Variants in MEIOB observed in about 807,000 individuals in gnomAD.
MEIOB encodes meiosis-specific with OB domain-containing protein.
A neutral mutation model predicts 53.1 loss-of-function variants in MEIOB; 50 were observed. That is an observed-to-expected ratio of 0.94 (90% confidence interval 0.75 to 1.19). The LOEUF (loss-of-function observed/expected upper bound fraction) is 1.19. Ranked by LOEUF, MEIOB falls within the 50% of genes most tolerant of loss-of-function variation. The pLI, the probability that MEIOB is intolerant of heterozygous loss-of-function variation, is 0.00. For missense variants in MEIOB, 551 were observed against 550.8 expected (o/e 1.00, Z 0.00); for synonymous variants, 192 against 182.5 (o/e 1.05, Z -0.42).
At chr16:1,850,573 T>A (rs574033193) in intron 9 of MEIOB, among the ~76,000 whole-genome samples, 298 of 127,260 alleles carry the variant, frequency 2.3e-3, no homozygotes, top group Admixed American at 4.3e-3. Context: ...AGACTCCATT[T>A]AAAAAAAAAA....
intron 5 of MEIOB, among the ~76,000 whole-genome samples, chr16:1,859,057 A>G (rs528549982): frequency 1.3e-5 from 2 of 152,326 alleles, no homozygotes; most frequent in South Asian, 2.1e-4. Context: ...GAATCAAACA[A>G]TCTCAGACGG....
At chr16:1,866,124 C>T (rs1899587943) in intron 2 of MEIOB, among the ~76,000 whole-genome samples, 1 of 152,170 alleles carries the variant, frequency 6.6e-6, no homozygotes, top group African/African-American at 2.4e-5. Flanking sequence ...AATAACTGCC[C>T]TATGCTATCA....
rs149484253 is a variant in MEIOB at position 1,852,735 on chromosome 16, T to C, written c.778+304A>G. On this transcript the variant is annotated intron_variant, in intron 9 of 13. Transcript: ENST00000325962. ...CAAGCCCAGCTAATTTTTATATTTT[T>C]AGTAGAGACTGGGTTTCACCATGTT... Among the ~76,000 whole-genome samples, 773 of 152,174 alleles carry C rather than the reference T, an allele frequency of 5.1e-3. 9 individuals are homozygous for C. The highest frequency in any genetic ancestry group is 0.018 in the African/African-American group (761 of 41,502).
chr16:1,854,675 C>T (rs1596976577), intron 6 of MEIOB, among the ~76,000 whole-genome samples: 1 of 152,088 alleles, frequency 6.6e-6, no homozygotes, highest in African/African-American at 2.4e-5. Context: ...CCACAGGAAA[C>T]AAACAAATAT....
At chr16:1,839,585 C>G in intron 11 of MEIOB, 147 bp from the exon 12 acceptor site, 1 of 665,084 alleles carries the variant, frequency 1.5e-6, no homozygotes, top group Non-Finnish European at 2.4e-6. Context: ...ACAAGACAGT[C>G]GTAAAAAACA....
chr16:1,852,903 A>G, intron 9 of MEIOB, 136 bp downstream of exon 9: 1 of 614,928 alleles, frequency 1.6e-6, no homozygotes, highest in Non-Finnish European at 2.8e-6. Context: ...AGTTTTTAAA[A>G]AAGTTATATA....
chr16:1,862,473 A>G (rs999313095), intron 3 of MEIOB, among the ~76,000 whole-genome samples: 1 of 152,214 alleles, frequency 6.6e-6, no homozygotes, highest in Non-Finnish European at 1.5e-5. Context: ...AACCTAAGTC[A>G]TAATTCAGAT....
chr16:1,855,433 C>A (rs1899275224), intron 6 of MEIOB, among the ~76,000 whole-genome samples: 1 of 150,832 alleles, frequency 6.6e-6, no homozygotes, highest in Admixed American at 6.6e-5. Flanking sequence ...AGCAAGACTC[C>A]ATCTCAAAAA....
chr16:1,863,212 G>T (rs1899492008), intron 3 of MEIOB, among the ~76,000 whole-genome samples: 1 of 152,012 alleles, frequency 6.6e-6, no homozygotes, highest in Admixed American at 6.6e-5. Flanking sequence ...TGAGTTCAGG[G>T]TGTTCATGAA....
At chr16:1,867,892 A>G (rs1248442158) in intron 2 of MEIOB, among the ~76,000 whole-genome samples, 1 of 117,688 alleles carries the variant, frequency 8.5e-6, no homozygotes, top group Non-Finnish European at 1.8e-5. Flanking sequence ...CTACAATCAT[A>G]TCTTCTACTC....
chr16:1,856,444 T>C (rs375285769), intron 6 of MEIOB, among the ~76,000 whole-genome samples: 3 of 151,782 alleles, frequency 2.0e-5, no homozygotes, highest in Admixed American at 6.6e-5. Flanking sequence ...CTCAGCCTCC[T>C]GAGTAGCTGG....
At position 1,860,413 on chromosome 16, in the gene MEIOB, C is replaced by T; in HGVS notation, c.322G>A (p.Ala108Thr). The stretch of plus-strand genomic sequence containing the variant: ...TAGACAGATGCTTACCTAGGAGTTG[C>T]AGGGCTGAATTTTTCTTCTCTTTCT... ...EIEREEKFSPATPSNCKLLLS... is the reference protein window; with the variant it reads ...EIEREEKFSPTTPSNCKLLLS... The change falls in exon 5 of 14, where the codon GCA (alanine) becomes ACA (threonine). Residue 108 changes from alanine (A) to threonine (T), a missense_variant. Transcript: ENST00000325962. 6.5e-7 allele frequency: 1 copy of T among 1,538,946 alleles called. No homozygotes were observed. The highest frequency in any genetic ancestry group is 8.8e-7 in the Non-Finnish European group (1 of 1,135,878).
intron 10 of MEIOB, among the ~76,000 whole-genome samples, chr16:1,844,464 G>T (rs1416309507): frequency 6.6e-6 from 1 of 151,212 alleles, no homozygotes. Context: ...TTTATTTTTT[G>T]AGATACAGTC....
At chr16:1,842,267 G>C (rs974105423) in intron 10 of MEIOB, among the ~76,000 whole-genome samples, 19 of 151,916 alleles carry the variant, frequency 1.3e-4, no homozygotes, top group Non-Finnish European at 2.1e-4. Context: ...TCTACAATGA[G>C]ATAAAGGACT....
At chr16:1,861,874 C>A (rs1596982711) in intron 4 of MEIOB, 111 bp downstream of exon 4, 2 of 1,149,376 alleles carry the variant, frequency 1.7e-6, no homozygotes, top group East Asian at 5.3e-5. Flanking sequence ...TGATAAAGTT[C>A]TTGAGAATTA....
intron 9 of MEIOB, among the ~76,000 whole-genome samples, chr16:1,845,906 G>C (rs1899016599): frequency 6.6e-6 from 1 of 152,060 alleles, no homozygotes; most frequent in African/African-American, 2.4e-5. Context: ...AAATTGTCCT[G>C]ACAATGTCTG....
chr16:1,837,890 G>A lies in MEIOB; in HGVS notation c.1219-20C>T, dbSNP rs1024931036. 6 of 1,481,960 alleles carry A rather than the reference G, an allele frequency of 4.0e-6. No individual in the cohort carries two copies. In the African/African-American group the frequency reaches 4.3e-5, roughly 11 times the overall value. 91.8% of individuals were successfully genotyped at this position (1,481,960 alleles called of 1,614,324 possible). On this transcript the variant is annotated intron_variant, in intron 12 of 13. Coordinates refer to ENST00000325962, the MANE Select transcript of MEIOB (RefSeq NM_001163560.3). ...ATGTACCTGGTTAAAAAAAAAATAT[G>A]AGACAAATATATTTGAAGTTTACAA...
chr16:1,834,364 G>A lies in MEIOB; in HGVS notation c.1308C>T (p.Phe436=), dbSNP rs769160829. 5.9e-6 allele frequency: 9 copies of A among 1,534,970 alleles called. No individual in the cohort carries two copies. Among genetic ancestry groups the A allele is most frequent in the Middle Eastern group, 1.7e-4 (1 of 5,922 alleles). ...CACTCCTTGCTCTGTGTGATAGAAC[G>A]AACTGCGAGGAGAAACAGAAAAAGA... The part of the protein sequence containing the change: ...LLERSKIYLK[F]VLSHRARSGL... Residue 436 remains phenylalanine (F), a splice_region_variant and synonymous_variant, in exon 14 of 14, where the codon TTC becomes TTT. Transcript: ENST00000325962.
chr16:1,861,950 T>C (rs1269722723), intron 4 of MEIOB, 35 bp downstream of exon 4: 3 of 1,541,250 alleles, frequency 1.9e-6, no homozygotes, highest in East Asian at 4.9e-5. Flanking sequence ...AATAACACTA[T>C]GATGGAAAAA....
Sources: gnomAD v4.1 joint callset for allele counts (sites outside exome capture counted in the v4.1 genomes callset) on GRCh38, gnomAD v4.1.1 for gene constraint, MANE v1.5 for transcripts, NCBI Gene and HGNC (gene_info 2026-07-23, HGNC 2026-07-21) for gene names.